Variants in DCLK2 observed in about 807,000 individuals in gnomAD.
DCLK2 encodes serine/threonine-protein kinase DCLK2.
A neutral mutation model predicts 78.4 loss-of-function variants in DCLK2; 31 were observed. The ratio of observed to expected loss-of-function variants is 0.40; its 90% CI spans 0.30 to 0.53. The LOEUF (loss-of-function observed/expected upper bound fraction) is 0.53. Among genes scored for constraint, DCLK2 ranks in the 20% least tolerant of loss-of-function variants. The pLI is 0.61. For synonymous variants in DCLK2, 407 were observed against 374.9 expected (o/e 1.09, Z -0.99); for missense variants, 872 against 973.7 (o/e 0.90, Z 1.39).
chr4:150,209,615 A>T (rs1028924281), intron 5 of DCLK2: 1 of 152,298 alleles, frequency 6.6e-6, no homozygotes, highest in African/African-American at 2.4e-5. Context: ...TACACAGAGG[A>T]CCTGGAGGAA....
rs975905559 is a variant in DCLK2 at position 150,078,771 on chromosome 4, C to G, written c.-257C>G. On this transcript the variant is annotated 5_prime_UTR_variant, in exon 1 of 16. Coordinates refer to ENST00000296550, the MANE Select transcript of DCLK2 (RefSeq NM_001040260.4). ...GCGCTTGCGGGGGCGTGGGGCTCCC[C>G]GGCAGGCGGGAGGCACGGAGCAAGT... 2.9e-6 allele frequency: 1 copy of G among 345,914 alleles called. No homozygotes were observed. The highest frequency in any genetic ancestry group is 5.1e-6 in the Non-Finnish European group (1 of 195,170). The allele number at this position is 345,914 out of a possible 1,614,324, so 21.4% of individuals were successfully genotyped here. A position where few individuals can be genotyped will look rare whatever the true frequency, so the allele number is the denominator to read the frequency against.
At chr4:150,212,302 G>T (rs1290868786) in intron 5 of DCLK2, among the ~76,000 whole-genome samples, 4 of 152,198 alleles carry the variant, frequency 2.6e-5, no homozygotes, top group Admixed American at 2.0e-4. Context: ...TGTGATGAAA[G>T]GGCTGGTAGT....
chr4:150,126,003 T>G (rs868866541), intron 2 of DCLK2, among the ~76,000 whole-genome samples: 3 of 152,214 alleles, frequency 2.0e-5, no homozygotes, highest in Non-Finnish European at 2.9e-5. Flanking sequence ...GAATGACTTT[T>G]CTTTCTGAAA....
At chr4:150,146,667 C>G (rs1734494712) in intron 2 of DCLK2, among the ~76,000 whole-genome samples, 3 of 152,098 alleles carry the variant, frequency 2.0e-5, no homozygotes, top group South Asian at 4.1e-4. Flanking sequence ...CATACATGGT[C>G]AGTGCCTAGC....
At chr4:150,255,775 A>C (rs1744513710) in intron 15 of DCLK2, among the ~76,000 whole-genome samples, 1 of 152,190 alleles carries the variant, frequency 6.6e-6, no homozygotes, top group Non-Finnish European at 1.5e-5. Context: ...AGAAGACGAC[A>C]GACATCCAGT....
intron 2 of DCLK2, among the ~76,000 whole-genome samples, chr4:150,122,365 G>A (rs62338176): frequency 0.23 from 35,701 of 152,104 alleles, 4,580 homozygotes; most frequent in African/African-American, 0.34. Context: ...CCATATGCCC[G>A]TCAATGATAG....
chr4:150,243,386 A>G (rs1743068057), intron 12 of DCLK2, among the ~76,000 whole-genome samples: 1 of 151,156 alleles, frequency 6.6e-6, no homozygotes, highest in Non-Finnish European at 1.5e-5. Flanking sequence ...AACGTGTGTT[A>G]CCAAAGTGTC....
At chr4:150,119,540 G>A (rs556087639) in intron 2 of DCLK2, among the ~76,000 whole-genome samples, 10 of 152,122 alleles carry the variant, frequency 6.6e-5, no homozygotes, top group Non-Finnish European at 1.0e-4. Context: ...TACAGTGCAC[G>A]CACTTCATTT....
intron 1 of DCLK2, among the ~76,000 whole-genome samples, chr4:150,091,575 A>G (rs1057006858): frequency 6.6e-6 from 1 of 152,166 alleles, no homozygotes; most frequent in Non-Finnish European, 1.5e-5. Flanking sequence ...ATACAACTCA[A>G]TATCTGCCAC....
chr4:150,118,449 A>T (rs1337871437), intron 2 of DCLK2, among the ~76,000 whole-genome samples: 1 of 152,188 alleles, frequency 6.6e-6, no homozygotes, highest in African/African-American at 2.4e-5. Context: ...TTAATTTTTA[A>T]AATTAGGGAA....
chr4:150,242,534 G>T (rs1743002912), intron 12 of DCLK2, among the ~76,000 whole-genome samples: 1 of 152,206 alleles, frequency 6.6e-6, no homozygotes, highest in South Asian at 2.1e-4. Flanking sequence ...CTTCTGAGCT[G>T]GCTGGCTCAG....
chr4:150,080,768 G>A (rs1366524613), intron 1 of DCLK2, among the ~76,000 whole-genome samples: 2 of 152,202 alleles, frequency 1.3e-5, no homozygotes, highest in African/African-American at 4.8e-5. Context: ...GAAAACTAAA[G>A]GTCGTTGAGT....
intron 1 of DCLK2, among the ~76,000 whole-genome samples, chr4:150,093,072 A>C (rs1730205832): frequency 6.6e-6 from 1 of 152,356 alleles, no homozygotes; most frequent in African/African-American, 2.4e-5. Flanking sequence ...AAACTAATAC[A>C]TTCAGTAAAC....
intron 2 of DCLK2, among the ~76,000 whole-genome samples, chr4:150,160,385 AT>A (rs1735621713): frequency 6.6e-6 from 1 of 152,060 alleles, no homozygotes; most frequent in South Asian, 2.1e-4. Context: ...CATGTTTGTT[AT>A]TTTGCAGCTT....
intron 2 of DCLK2, among the ~76,000 whole-genome samples, chr4:150,165,844 G>A (rs1031338505): frequency 3.3e-5 from 5 of 152,218 alleles, no homozygotes; most frequent in Non-Finnish European, 7.3e-5. Flanking sequence ...GATCTGATTG[G>A]ATAATGAGGG....
chr4:150,177,507 T>TA (rs1208799227), intron 2 of DCLK2, among the ~76,000 whole-genome samples: 4 of 152,198 alleles, frequency 2.6e-5, no homozygotes, highest in African/African-American at 9.6e-5. Context: ...TTATAACACA[T>TA]ACACTAAATT....
intron 1 of DCLK2, among the ~76,000 whole-genome samples, chr4:150,097,670 C>T (rs1421222400): frequency 6.6e-6 from 1 of 152,214 alleles, no homozygotes; most frequent in Non-Finnish European, 1.5e-5. Flanking sequence ...AGCTGTGCCT[C>T]TGGAAAGAGT....
intron 13 of DCLK2, 51 bp downstream of exon 13, chr4:150,247,750 C>T (rs567996498): frequency 1.4e-5 from 21 of 1,463,060 alleles, no homozygotes; most frequent in South Asian, 1.3e-4. Context: ...GGGGTCCTCA[C>T]CCATTGCACA....
chr4:150,214,401 A>C (rs1045971399), intron 5 of DCLK2, among the ~76,000 whole-genome samples: 1 of 152,228 alleles, frequency 6.6e-6, no homozygotes, highest in African/African-American at 2.4e-5. Flanking sequence ...ACCATATCCT[A>C]AAGGTTGTTC....
Sources: gnomAD v4.1 joint callset for allele counts (sites outside exome capture counted in the v4.1 genomes callset) on GRCh38, gnomAD v4.1.1 for gene constraint, MANE v1.5 for transcripts, NCBI Gene and HGNC (gene_info 2026-07-23, HGNC 2026-07-21) for gene names.